ASB5: variants seen among roughly 807,000 people sequenced by gnomAD.
ASB5 encodes ankyrin repeat and SOCS box protein 5.
ASB5 carries 45 observed loss-of-function variants against 42.1 expected under a neutral mutation model. That is an observed-to-expected ratio of 1.07 (90% CI 0.84 to 1.37). The LOEUF is 1.37. Among genes scored for constraint, ASB5 ranks in the 40% most tolerant of loss-of-function variants. The pLI is 0.00. For missense variants in ASB5, 402 were observed against 399.8 expected, an observed-to-expected ratio of 1.01 and a Z score of -0.05; for synonymous variants, 147 against 150.6, an observed-to-expected ratio of 0.98 and a Z score of 0.18.
At chr4:176,233,606 G>A (rs781328124) in intron 1 of ASB5, among the ~76,000 whole-genome samples, 3 of 152,034 alleles carry the variant, frequency 2.0e-5, no homozygotes, top group South Asian at 2.1e-4. Flanking sequence ...TGAGTGTTTC[G>A]TGTGCTTCTT....
At chr4:176,223,003 C>A (rs1006729808) in intron 2 of ASB5, among the ~76,000 whole-genome samples, 28 of 152,180 alleles carry the variant, frequency 1.8e-4, no homozygotes, top group Admixed American at 8.5e-4. Flanking sequence ...TGGTCTTGAT[C>A]TCCTGACCTC....
intron 1 of ASB5, among the ~76,000 whole-genome samples, chr4:176,260,991 T>C (rs902922955): frequency 1.2e-4 from 19 of 152,218 alleles, no homozygotes; most frequent in African/African-American, 4.1e-4. Context: ...CGAAAAGTTC[T>C]ACATCACTAG....
chr4:176,216,109 C>T (rs1172300352), intron 6 of ASB5, among the ~76,000 whole-genome samples: 1 of 151,716 alleles, frequency 6.6e-6, no homozygotes, highest in Non-Finnish European at 1.5e-5. Flanking sequence ...TATTATAGTC[C>T]CTGGACTAGG....
intron 5 of ASB5, among the ~76,000 whole-genome samples, chr4:176,218,086 A>G (rs912006699): frequency 6.7e-6 from 1 of 148,590 alleles, no homozygotes; most frequent in Non-Finnish European, 1.5e-5. Context: ...AAAGGGTCTG[A>G]AAATAACAAT....
At chr4:176,276,195 A>G (rs1240101053) in intron 1 of ASB5, among the ~76,000 whole-genome samples, 1 of 152,200 alleles carries the variant, frequency 6.6e-6, no homozygotes, top group Non-Finnish European at 1.5e-5. Flanking sequence ...AATAATTCAT[A>G]TGAAGCACTC....
Position 176,221,269 on chromosome 4 carries a change from T to G in ASB5, c.556A>C (p.Ile186Leu). 1 of 1,614,122 alleles carries G rather than the reference T, an allele frequency of 6.2e-7. No homozygotes were observed. Among genetic ancestry groups the G allele is most frequent in the East Asian group, 2.2e-5 (1 of 44,886 alleles). Residue 186 changes from isoleucine (I) to leucine (L), a missense_variant, in exon 5 of 7, where the codon ATC (isoleucine) becomes CTC (leucine). Transcript: ENST00000296525. ...ACATCTATGCCCCAGGATATCAGGATGTCAAGACATTCATGGTGACCTGCC... is the reference window on the plus strand; with the variant it reads ...ACATCTATGCCCCAGGATATCAGGAGGTCAAGACATTCATGGTGACCTGCC... The part of the protein sequence containing the change: ...ASKGHHECLD[I>L]LISWGIDVDQ...
chr4:176,241,884 A>G (rs1406823390), intron 1 of ASB5, among the ~76,000 whole-genome samples: 1 of 152,110 alleles, frequency 6.6e-6, no homozygotes, highest in Non-Finnish European at 1.5e-5. Context: ...GCTATGGGGA[A>G]AAAAATCATG....
intron 3 of ASB5, among the ~76,000 whole-genome samples, chr4:176,221,829 A>T (rs1436995648): frequency 6.6e-6 from 1 of 152,192 alleles, no homozygotes; most frequent in African/African-American, 2.4e-5. Flanking sequence ...AACTAGTGGA[A>T]ATCATGAAAA....
At chr4:176,217,965 T>C (rs1322777645) in intron 5 of ASB5, among the ~76,000 whole-genome samples, 2 of 151,688 alleles carry the variant, frequency 1.3e-5, no homozygotes, top group African/African-American at 2.4e-5. Context: ...TGTAATCATT[T>C]TCAATATTTT....
At chr4:176,222,856 C>T (rs184888608) in intron 2 of ASB5, among the ~76,000 whole-genome samples, 59 of 152,260 alleles carry the variant, frequency 3.9e-4, no homozygotes, top group African/African-American at 1.4e-3. Flanking sequence ...CGGCTCACTG[C>T]AAGCTCCGCC....
rs1352743353 is a variant in ASB5 at position 176,235,488 on chromosome 4, G to GA, written c.197-10148dup. 2.6e-5 allele frequency among the ~76,000 whole-genome samples: 4 copies of GA among 152,024 alleles called. No individual in the cohort carries two copies. In the East Asian group the frequency reaches 5.8e-4, roughly 22 times the overall value. On this transcript the variant is annotated intron_variant, in intron 1 of 6. Transcript: ENST00000296525. The stretch of plus-strand genomic sequence containing the variant: ...ATATCTCATGGTCATTGTTCTATGT[G>GA]AAAAAATATAGTTCTACCACAAGTG...
intron 1 of ASB5, among the ~76,000 whole-genome samples, chr4:176,256,391 A>T (rs916303351): frequency 6.6e-6 from 1 of 152,204 alleles, no homozygotes; most frequent in Non-Finnish European, 1.5e-5. Flanking sequence ...AGGCTTAGCC[A>T]CCTTCAGACA....
chr4:176,247,186 T>C (rs1042941381), intron 1 of ASB5, among the ~76,000 whole-genome samples: 6 of 152,206 alleles, frequency 3.9e-5, no homozygotes, highest in South Asian at 2.1e-4. Context: ...TTGGGAGATA[T>C]TCAATAAAAC....
chr4:176,271,274 C>T (rs151130050), upstream of ASB5, among the ~76,000 whole-genome samples: 10 of 152,262 alleles, frequency 6.6e-5, 1 homozygote, highest in East Asian at 1.7e-3. Context: ...TAAAATGACT[C>T]ATAGCATACG....
intron 1 of ASB5, among the ~76,000 whole-genome samples, chr4:176,241,993 C>T (rs779887839): frequency 1.9e-4 from 29 of 152,206 alleles, no homozygotes; most frequent in South Asian, 1.0e-3. Flanking sequence ...ACCTGGGACG[C>T]GGAAGGGTCA....
At chr4:176,222,956 T>A (rs1041008784) in intron 2 of ASB5, among the ~76,000 whole-genome samples, 1 of 152,066 alleles carries the variant, frequency 6.6e-6, no homozygotes, top group Non-Finnish European at 1.5e-5. Context: ...TTTTTTGTAT[T>A]TTTAGTAGAC....
chr4:176,234,548 C>T (rs1382863852), intron 1 of ASB5, among the ~76,000 whole-genome samples: 1 of 152,188 alleles, frequency 6.6e-6, no homozygotes, highest in South Asian at 2.1e-4. Context: ...GCACTTATTA[C>T]TAGAATGCTA....
chr4:176,273,031 C>T (rs1009331689), upstream of ASB5, among the ~76,000 whole-genome samples: 4 of 150,186 alleles, frequency 2.7e-5, no homozygotes, highest in African/African-American at 4.9e-5. Context: ...CTCACTGCAG[C>T]CTCGACCTCC....
chr4:176,235,171 G>A (rs1412317308), intron 1 of ASB5, among the ~76,000 whole-genome samples: 1 of 152,106 alleles, frequency 6.6e-6, no homozygotes, highest in Non-Finnish European at 1.5e-5. Context: ...ATAAAAGGAA[G>A]AATTGTGGAA....
Sources: gnomAD v4.1 joint callset for allele counts (sites outside exome capture counted in the v4.1 genomes callset) on GRCh38, gnomAD v4.1.1 for gene constraint, MANE v1.5 for transcripts, NCBI Gene and HGNC (gene_info 2026-07-23, HGNC 2026-07-21) for gene names.